The following DOCK8 variants were observed in gnomAD, a reference collection of about 807,000 sequenced individuals.
DOCK8 encodes the protein dedicator of cytokinesis protein 8.
A neutral mutation model predicts 245.6 loss-of-function variants in DOCK8; 141 were observed. That is an observed-to-expected ratio of 0.57 (90% confidence interval 0.50 to 0.66). DOCK8 has a LOEUF of 0.66. Ranked by LOEUF, DOCK8 falls within the 30% of genes least tolerant of loss-of-function variation. DOCK8 has a pLI of 0.00. For synonymous variants in DOCK8, 1,168 were observed against 970.2 expected (o/e 1.20, Z -3.79); for missense variants, 2,965 against 2,603.4 (o/e 1.14, Z -3.02).
In DOCK8 at chr9:400,339, T is replaced by TCCA. The variant is rs1322718541; in HGVS notation, c.3234+1092_3234+1094dup. On this transcript the variant is annotated intron_variant, in intron 26 of 47. Coordinates refer to ENST00000432829, the MANE Select transcript of DOCK8 (RefSeq NM_203447.4). ...CACCACCTCCACCACCACCACCTCCTCCACCACCACCACCTCCTCCACCAT... is the reference window on the plus strand; with the variant it reads ...CACCACCTCCACCACCACCACCTCCTCCACCACCACCACCACCTCCTCCACCAT... 1.5e-3 allele frequency among the ~76,000 whole-genome samples: 15 copies of TCCA among 10,228 alleles called. 1 individual carries two copies. The highest frequency in any genetic ancestry group is 2.2e-3 in the Admixed American group (2 of 894). The allele number at this position is 10,228 out of a possible 152,430, so 6.7% of individuals were successfully genotyped here.
At chr9:232,107 C>G (rs148478656) in intron 1 of DOCK8, among the ~76,000 whole-genome samples, 4,119 of 151,218 alleles carry the variant, frequency 0.027, 75 homozygotes, top group South Asian at 0.049. Flanking sequence ...TAGCATGAAG[C>G]GTTGTTGGAT....
At position 215,430 on chromosome 9, in the gene DOCK8, C is replaced by CG. The variant is rs759537678; in HGVS notation, c.53+407dup. The CG allele has an allele frequency of 1.3e-4, 194 of 1,505,852 alleles. 2 individuals are homozygous for CG. The East Asian group carries it at 4.8e-3, about 37-fold the overall frequency. The allele number at this position is 1,505,852 out of a possible 1,614,324, so 93.3% of individuals were successfully genotyped here. A position where few individuals can be genotyped will look rare whatever the true frequency, so the allele number is the denominator to read the frequency against. ...CCTTCCTTTGAGGCAAGTCTGAGCG[C>CG]GGGGGGAAGAAGTGAAGTGGCTGAA... On this transcript the variant is annotated intron_variant, in intron 1 of 47. Coordinates refer to ENST00000432829, the MANE Select transcript of DOCK8 (RefSeq NM_203447.4).
intron 26 of DOCK8, among the ~76,000 whole-genome samples, chr9:403,864 CT>C (rs1564020827): frequency 3.6e-5 from 3 of 83,950 alleles, no homozygotes; most frequent in Non-Finnish European, 2.0e-5. Context: ...CTGTATCTCT[CT>C]CTCTCTCTCT....
Position 355,432 on chromosome 9 carries a change from G to A in DOCK8, c.1680-12586G>A, listed in dbSNP as rs188165276. Among the ~76,000 whole-genome samples, 362 of 152,054 alleles carry A rather than the reference G, an allele frequency of 2.4e-3. 1 individual carries two copies. Among genetic ancestry groups the A allele is most frequent in the African/African-American group, 8.4e-3 (349 of 41,488 alleles). ...TTGGCCAGGATGGTCTCAGTCTCCT[G>A]ACCCTGTGATCTACCCACCTTGGCC... On this transcript the variant is annotated intron_variant, in intron 14 of 47. Transcript: ENST00000432829.
chr9:288,239 T>A (rs1424555864), intron 3 of DOCK8, among the ~76,000 whole-genome samples: 1 of 152,144 alleles, frequency 6.6e-6, no homozygotes. Flanking sequence ...CAGGGGAAGG[T>A]ATCATCATCA....
At chr9:393,714 C>G (rs764531971) in intron 24 of DOCK8, among the ~76,000 whole-genome samples, 1 of 152,208 alleles carries the variant, frequency 6.6e-6, no homozygotes, top group Admixed American at 6.5e-5. Flanking sequence ...CCCTGCTGAT[C>G]TAAGCATATT....
intron 36 of DOCK8, among the ~76,000 whole-genome samples, chr9:430,243 G>A (rs1175118807): frequency 2.0e-5 from 3 of 152,092 alleles, no homozygotes; most frequent in Non-Finnish European, 4.4e-5. Context: ...ATGTGTTGGC[G>A]CATGCCTGTA....
intron 46 of DOCK8, chr9:456,597 T>A (rs1176817925): frequency 6.6e-6 from 1 of 152,196 alleles, no homozygotes; most frequent in Non-Finnish European, 1.5e-5. Flanking sequence ...GAAACAGCCA[T>A]AAAGAATCCT....
chr9:367,379 C>G (rs1170495502), intron 14 of DOCK8, among the ~76,000 whole-genome samples: 1 of 152,216 alleles, frequency 6.6e-6, no homozygotes, highest in African/African-American at 2.4e-5. Context: ...GGAACTTACA[C>G]TGTAGTGGAA....
intron 46 of DOCK8, among the ~76,000 whole-genome samples, chr9:461,064 T>A (rs1022449911): frequency 1.3e-5 from 2 of 152,246 alleles, no homozygotes; most frequent in African/African-American, 4.8e-5. Flanking sequence ...CAAAACTTCA[T>A]CATGTTTAAA....
chr9:222,860 C>T (rs1448203598), intron 1 of DOCK8, among the ~76,000 whole-genome samples: 3 of 152,300 alleles, frequency 2.0e-5, no homozygotes, highest in Middle Eastern at 3.4e-3. Context: ...CTTTGCTTAA[C>T]AATGTAATCC....
intron 26 of DOCK8, among the ~76,000 whole-genome samples, chr9:403,906 A>ATG (rs2055247051): frequency 1.1e-5 from 1 of 90,110 alleles, no homozygotes; most frequent in Non-Finnish European, 1.9e-5. Flanking sequence ...ATATATATAT[A>ATG]TATATATATA....
intron 1 of DOCK8, among the ~76,000 whole-genome samples, chr9:258,922 C>G (rs1452290837): frequency 6.6e-6 from 1 of 151,100 alleles, no homozygotes. Context: ...AAGATACTTT[C>G]ATAATAGTTT....
intron 1 of DOCK8, among the ~76,000 whole-genome samples, chr9:219,325 G>C (rs914117434): frequency 6.6e-6 from 1 of 152,038 alleles, no homozygotes; most frequent in African/African-American, 2.4e-5. Flanking sequence ...ACAAAAATTA[G>C]CCAGGTGTAG....
chr9:427,434 T>C (rs574706577), intron 34 of DOCK8, among the ~76,000 whole-genome samples: 196 of 152,224 alleles, frequency 1.3e-3, no homozygotes, highest in Non-Finnish European at 2.3e-3. Flanking sequence ...ATGTCTTCTT[T>C]GGACTTAAAT....
At chr9:211,601 A>G (rs115208688), upstream of DOCK8, among the ~76,000 whole-genome samples, 899 of 152,286 alleles carry the variant, frequency 5.9e-3, 8 homozygotes, top group African/African-American at 0.02. Context: ...TGATATTTAC[A>G]AAGAAGTGAT....
chr9:376,883 TCTAC>T, intron 19 of DOCK8, 90 bp from the exon 20 acceptor site: 1 of 1,126,266 alleles, frequency 8.9e-7, no homozygotes. Flanking sequence ...GATAAGAGGT[TCTAC>T]CCATAAAGAG....
chr9:400,869 TCACCACCACCTC>T (rs1269618658), intron 26 of DOCK8, among the ~76,000 whole-genome samples: 20 of 26,180 alleles, frequency 7.6e-4, no homozygotes, highest in Non-Finnish European at 9.9e-4. Context: ...TCCTCCACCA[TCACCACCACCTC>T]CACCACCACC....
intron 26 of DOCK8, among the ~76,000 whole-genome samples, chr9:400,049 CCATCACCACCTCCTTCACCAT>C (rs2054717198): frequency 1.7e-5 from 2 of 114,782 alleles, no homozygotes; most frequent in Non-Finnish European, 3.5e-5. Context: ...ACCACCTCCA[CCATCACCACCTCCTTCACCAT>C]CACCATCACC....
Sources: gnomAD v4.1 joint callset for allele counts (sites outside exome capture counted in the v4.1 genomes callset) on GRCh38, gnomAD v4.1.1 for gene constraint, MANE v1.5 for transcripts, NCBI Gene and HGNC (gene_info 2026-07-23, HGNC 2026-07-21) for gene names.